The following COPZ1 variants were observed in gnomAD, a reference collection of about 807,000 sequenced individuals.
The protein encoded by COPZ1 is coat protein complex I subunit zeta 1.
Under a neutral mutation model 31.7 loss-of-function variants are expected in COPZ1, and 4 were observed. The ratio of observed to expected loss-of-function variants is 0.13; its 90% confidence interval spans 0.06 to 0.29. The LOEUF is 0.29. Ranked by LOEUF, COPZ1 falls within the 10% of genes least tolerant of loss-of-function variation. The pLI, the probability that COPZ1 is intolerant of heterozygous loss-of-function variation, is 1.00. For missense variants in COPZ1, 156 were observed against 211.5 expected (o/e 0.74, Z 1.63); for synonymous variants, 74 against 79.0 (o/e 0.94, Z 0.33).
At chr12:54,344,319 C>T (rs1416496097) in intron 4 of COPZ1, among the ~76,000 whole-genome samples, 1 of 152,172 alleles carries the variant, frequency 6.6e-6, no homozygotes, top group East Asian at 1.9e-4. Context: ...GTGGCTCACA[C>T]CTGTAATCCC....
At chr12:54,339,510 G>C (rs111540921) in intron 1 of COPZ1, among the ~76,000 whole-genome samples, 1 of 152,008 alleles carries the variant, frequency 6.6e-6, no homozygotes, top group African/African-American at 2.4e-5. Context: ...ACCACACCTG[G>C]CTAATTTTTT....
chr12:54,331,522 G>A (rs1953755528), intron 1 of COPZ1, among the ~76,000 whole-genome samples: 2 of 152,056 alleles, frequency 1.3e-5, no homozygotes, highest in African/African-American at 4.8e-5. Context: ...ATAGCCAATT[G>A]CCCTGGATAG....
chr12:54,346,071 T>C (rs1208999492), intron 5 of COPZ1, among the ~76,000 whole-genome samples: 1 of 152,092 alleles, frequency 6.6e-6, no homozygotes, highest in Non-Finnish European at 1.5e-5. Flanking sequence ...GTAAGGGGAC[T>C]GGGAGGGAGC....
intron 5 of COPZ1, among the ~76,000 whole-genome samples, chr12:54,347,446 C>A (rs1197877562): frequency 6.6e-6 from 1 of 152,138 alleles, no homozygotes. Context: ...TTTTTTCCAC[C>A]CACTGATGTC....
rs1953603588 is a variant in COPZ1, at chr12:54,325,143, C to A, written c.-21C>A. 6.4e-7 allele frequency: 1 copy of A among 1,561,680 alleles called. No individual in the cohort carries two copies. The highest frequency in any genetic ancestry group is 8.7e-7 in the Non-Finnish European group (1 of 1,153,378). ...CGGCGTTTCTTTTGCGGCTCCACGT[C>A]GGCACCAGCTGCGGGGCAAGATGGA... On this transcript the variant is annotated 5_prime_UTR_variant, in exon 1 of 9. Transcript: ENST00000262061.
chr12:54,337,590 G>A (rs1224534255), intron 1 of COPZ1, among the ~76,000 whole-genome samples: 1 of 152,214 alleles, frequency 6.6e-6, no homozygotes, highest in Non-Finnish European at 1.5e-5. Flanking sequence ...CTCCTGAGAG[G>A]TAAAAGCCCC....
intron 2 of COPZ1, 96 bp downstream of exon 2, chr12:54,340,711 G>C: frequency 7.9e-7 from 1 of 1,266,928 alleles, no homozygotes; most frequent in Non-Finnish European, 1.1e-6. Flanking sequence ...ATGTTCCTCA[G>C]TAGTATAATT....
chr12:54,330,419 C>T (rs1953729969), intron 1 of COPZ1, among the ~76,000 whole-genome samples: 1 of 152,206 alleles, frequency 6.6e-6, no homozygotes, highest in South Asian at 2.1e-4. Context: ...CTCCCCATGT[C>T]TTGCCCTCCA....
intron 1 of COPZ1, among the ~76,000 whole-genome samples, chr12:54,329,117 A>C (rs1167551953): frequency 6.6e-6 from 1 of 152,164 alleles, no homozygotes. Flanking sequence ...CCCAATGCTT[A>C]ATAATAGTGA....
At chr12:54,326,640 GGTGTGT>G (rs71070816) in intron 1 of COPZ1, among the ~76,000 whole-genome samples, 18,647 of 134,430 alleles carry the variant, frequency 0.14, 1,277 homozygotes, top group Middle Eastern at 0.26. Flanking sequence ...GATTTGGAGG[GGTGTGT>G]GTGTGTGTGT....
intron 1 of COPZ1, among the ~76,000 whole-genome samples, chr12:54,330,356 A>T (rs753530533): frequency 2.6e-5 from 4 of 152,232 alleles, no homozygotes; most frequent in Non-Finnish European, 4.4e-5. Flanking sequence ...TGCTGGAAGC[A>T]GACCTCGGCT....
At chr12:54,334,282 G>A (rs1308990576) in intron 1 of COPZ1, among the ~76,000 whole-genome samples, 16 of 151,970 alleles carry the variant, frequency 1.1e-4, no homozygotes, top group Middle Eastern at 6.8e-3. Context: ...TAAGCCGGGC[G>A]TGGTGGGAAG....
intron 1 of COPZ1, among the ~76,000 whole-genome samples, chr12:54,326,255 T>G (rs1438735593): frequency 6.6e-6 from 1 of 150,998 alleles, no homozygotes; most frequent in East Asian, 2.0e-4. Flanking sequence ...TTCTTCTGCC[T>G]CAGCCTCCGG....
chr12:54,340,520 A>T, intron 1 of COPZ1, 27 bp from the exon 2 acceptor site: 1 of 1,613,682 alleles, frequency 6.2e-7, no homozygotes, highest in South Asian at 1.1e-5. Context: ...AGGCTTCAGG[A>T]CTGAAGGTAT....
intron 2 of COPZ1, among the ~76,000 whole-genome samples, chr12:54,341,053 C>T (rs1953966059): frequency 6.6e-6 from 1 of 152,054 alleles, no homozygotes; most frequent in Non-Finnish European, 1.5e-5. Context: ...TTCTTTTGTC[C>T]CTTAGTTGTA....
intron 2 of COPZ1, 75 bp downstream of exon 2, chr12:54,340,690 C>G (rs1187907699): frequency 7.2e-6 from 10 of 1,397,712 alleles, no homozygotes; most frequent in Non-Finnish European, 9.9e-6. Flanking sequence ...GGACTGATAC[C>G]TTATTAACTT....
At chr12:54,326,422 G>C (rs1953645819) in intron 1 of COPZ1, among the ~76,000 whole-genome samples, 1 of 148,558 alleles carries the variant, frequency 6.7e-6, no homozygotes, top group African/African-American at 2.5e-5. Flanking sequence ...TTACAGGCGT[G>C]AGCCACTGCG....
At chr12:54,331,624 G>A (rs974796486) in intron 1 of COPZ1, among the ~76,000 whole-genome samples, 1 of 152,098 alleles carries the variant, frequency 6.6e-6, no homozygotes, top group Admixed American at 6.6e-5. Context: ...TCTGCCTCGG[G>A]GTTGATTTGG....
intron 1 of COPZ1, among the ~76,000 whole-genome samples, chr12:54,327,262 A>G (rs532795734): frequency 6.7e-6 from 1 of 149,506 alleles, no homozygotes; most frequent in South Asian, 2.1e-4. Flanking sequence ...CTGGGATTAC[A>G]GGTGTGAGTC....
Sources: allele counts gnomAD v4.1 joint callset (sites outside exome capture counted in the v4.1 genomes callset), GRCh38; gene constraint gnomAD v4.1.1; transcripts MANE v1.5; gene names NCBI Gene and HGNC (gene_info 2026-07-23, HGNC 2026-07-21).